Variants in CNTN4 observed in about 807,000 individuals in gnomAD.
CNTN4 encodes contactin 4.
Under a neutral mutation model 122.5 loss-of-function variants are expected in CNTN4, and 77 were observed. The observed-to-expected ratio is 0.63, with a 90% CI of 0.52 to 0.76. The LOEUF (loss-of-function observed/expected upper bound fraction) is 0.76, where lower values mean the gene tolerates loss of function less well. Ranked by LOEUF, CNTN4 falls within the 30% of genes least tolerant of loss-of-function variation. The pLI, the probability that CNTN4 is intolerant of heterozygous loss-of-function variation, is 0.00. For synonymous variants in CNTN4, 512 were observed against 447.0 expected (o/e 1.15, Z -1.83); for missense variants, 1,256 against 1,259.1 (o/e 1.00, Z 0.04).
intron 4 of CNTN4, among the ~76,000 whole-genome samples, chr3:2,699,944 G>A (rs767459): frequency 6.6e-6 from 1 of 152,124 alleles, no homozygotes. Context: ...AGTTGATGAA[G>A]GAGATGATGT....
At chr3:2,566,743 A>G (rs538983490) in intron 3 of CNTN4, among the ~76,000 whole-genome samples, 2 of 152,332 alleles carry the variant, frequency 1.3e-5, no homozygotes, top group African/African-American at 2.4e-5. Flanking sequence ...CCTACAAGCA[A>G]GCAAACATGT....
At chr3:2,970,847 GC>G (rs1336392198) in intron 13 of CNTN4, among the ~76,000 whole-genome samples, 1 of 152,054 alleles carries the variant, frequency 6.6e-6, no homozygotes, top group African/African-American at 2.4e-5. Flanking sequence ...GAGTGCAGTG[GC>G]GTGATCCCAG....
At chr3:2,523,356 TAAAA>T (rs67485307) in intron 3 of CNTN4, among the ~76,000 whole-genome samples, 4 of 119,994 alleles carry the variant, frequency 3.3e-5, no homozygotes, top group African/African-American at 9.3e-5. Flanking sequence ...CAAGAGACCT[TAAAA>T]AAAAAAAAAA....
rs573124261 is a variant in CNTN4 at position 2,362,724 on chromosome 3, C to T, written c.-89+23491C>T. ...CATTCACTTACTTGGGAGCTGACAG[C>T]TCCAGTGGCCTCCAGCTTTAACCTC... On this transcript the variant is annotated intron_variant, in intron 3 of 24. Coordinates refer to ENST00000418658, the MANE Select transcript of CNTN4 (RefSeq NM_175607.3). 1.5e-5 allele frequency: 5 copies of T among 334,732 alleles called. No homozygotes were observed. In the East Asian group the frequency reaches 3.9e-4, roughly 26 times the overall value. 20.7% of individuals were successfully genotyped at this position (334,732 alleles called of 1,614,324 possible).
chr3:3,040,151 T>C lies in CNTN4; in HGVS notation c.2278T>C (p.Tyr760His). The change falls in exon 20 of 25, where the codon TAC becomes CAC. Residue 760 changes from tyrosine to histidine, a missense_variant. By Grantham distance (83) the Tyr-to-His change is moderately conservative. Transcript: ENST00000418658. Reference sequence around the variant, plus strand: ...GCTGGCCTCAGCTGATGCCTCTAGATACGTGTTCAGGAATGAGAGCGTGCA... The same window carrying C: ...GCTGGCCTCAGCTGATGCCTCTAGACACGTGTTCAGGAATGAGAGCGTGCA... ...TVLASADASRYVFRNESVHPF... is the reference protein window; with the variant it reads ...TVLASADASRHVFRNESVHPF... 6.2e-7 allele frequency: 1 copy of C among 1,614,152 alleles called. No individual in the cohort carries two copies. The highest frequency in any genetic ancestry group is 1.6e-4 in the Middle Eastern group (1 of 6,062).
Position 2,345,766 on chromosome 3 carries a change from G to A in CNTN4, c.-89+6533G>A, listed in dbSNP as rs184077629. Among the ~76,000 whole-genome samples the A allele has an allele frequency of 7.9e-5, 12 of 152,236 alleles. No individual in the cohort carries two copies. The East Asian group carries it at 1.4e-3, about 17-fold the overall frequency. On this transcript the variant is annotated intron_variant, in intron 3 of 24. Coordinates refer to ENST00000418658, the MANE Select transcript of CNTN4 (RefSeq NM_175607.3). ...ATCGAGAAGCAGAGCTTATAGTTCC[G>A]CACCACAACTAATTTATTGTGTGAC...
At chr3:2,469,978 A>G (rs2075629584) in intron 3 of CNTN4, among the ~76,000 whole-genome samples, 1 of 152,210 alleles carries the variant, frequency 6.6e-6, no homozygotes, top group African/African-American at 2.4e-5. Context: ...GGTTTTTTAC[A>G]TTAATTTGCT....
intron 12 of CNTN4, among the ~76,000 whole-genome samples, chr3:2,907,017 T>C (rs1359859884): frequency 6.6e-6 from 1 of 152,116 alleles, no homozygotes; most frequent in East Asian, 1.9e-4. Context: ...CAGTTAAAGA[T>C]TGAGTGTGTA....
intron 4 of CNTN4, chr3:2,629,594 T>C (rs1300382157): frequency 6.7e-6 from 3 of 448,576 alleles, no homozygotes; most frequent in Non-Finnish European, 1.3e-5. Flanking sequence ...GTTGACTTTA[T>C]AAGAAAATAG....
At chr3:2,929,814 C>T (rs890722974) in intron 13 of CNTN4, among the ~76,000 whole-genome samples, 1 of 152,162 alleles carries the variant, frequency 6.6e-6, no homozygotes, top group Non-Finnish European at 1.5e-5. Context: ...CCATCTCAAA[C>T]CACATGGACT....
At chr3:2,477,428 A>G (rs2075864753) in intron 3 of CNTN4, among the ~76,000 whole-genome samples, 1 of 152,220 alleles carries the variant, frequency 6.6e-6, no homozygotes, top group Non-Finnish European at 1.5e-5. Context: ...TAAATGCTTT[A>G]TATACATTAT....
intron 2 of CNTN4, among the ~76,000 whole-genome samples, chr3:2,236,923 A>G (rs953764005): frequency 1.3e-5 from 2 of 152,206 alleles, no homozygotes; most frequent in Non-Finnish European, 2.9e-5. Context: ...AAGAAAGGGT[A>G]TGAAATGGGA....
chr3:2,601,149 G>A (rs2081026717), intron 4 of CNTN4, among the ~76,000 whole-genome samples: 1 of 152,102 alleles, frequency 6.6e-6, no homozygotes, highest in South Asian at 2.1e-4. Context: ...CATTCTGTAG[G>A]TTGCCTGTTC....
chr3:2,409,106 AC>A (rs1177354959), intron 3 of CNTN4, among the ~76,000 whole-genome samples: 4 of 152,144 alleles, frequency 2.6e-5, no homozygotes, highest in Non-Finnish European at 5.9e-5. Context: ...TTAAAGAGGA[AC>A]AAAATTATAG....
In CNTN4 at chr3:2,571,525, C is replaced by A; in HGVS notation, c.22C>A (p.Leu8Met). MRLPWEL[L>M]VLQSFILCLA... ...GAAGATGAGGTTGCCATGGGAACTGCTGGTACTGCAATCATTCATTTTGTG... is the reference window on the plus strand; with the variant it reads ...GAAGATGAGGTTGCCATGGGAACTGATGGTACTGCAATCATTCATTTTGTG... The change falls in exon 4 of 25, where the codon CTG becomes ATG. Residue 8 changes from leucine to methionine, a missense_variant. Leu to Met is a conservative substitution (Grantham distance 15, BLOSUM62 2). Transcript: ENST00000418658. 6.2e-7 allele frequency: 1 copy of A among 1,613,850 alleles called. No individual in the cohort carries two copies. Among genetic ancestry groups the A allele is most frequent in the Non-Finnish European group, 8.5e-7 (1 of 1,179,720 alleles).
At chr3:2,143,313 GT>G (rs2035092068) in intron 2 of CNTN4, among the ~76,000 whole-genome samples, 1 of 152,168 alleles carries the variant, frequency 6.6e-6, no homozygotes, top group Admixed American at 6.5e-5. Flanking sequence ...GGCTAATGAA[GT>G]TAAACCAAAG....
At chr3:2,287,638 A>AGAAGGAGAAGG (rs1559415182) in intron 2 of CNTN4, among the ~76,000 whole-genome samples, 5 of 60,846 alleles carry the variant, frequency 8.2e-5, no homozygotes, top group African/African-American at 2.8e-4. Flanking sequence ...GAAGGAGAAG[A>AGAAGGAGAAGG]AGAAGAAGAA....
chr3:2,192,574 TCAAA>T (rs1431321377), intron 2 of CNTN4, among the ~76,000 whole-genome samples: 4 of 151,834 alleles, frequency 2.6e-5, no homozygotes, highest in Admixed American at 2.0e-4. Flanking sequence ...TACAAAGAAC[TCAAA>T]CAAATTTACA....
intron 16 of CNTN4, among the ~76,000 whole-genome samples, chr3:3,032,667 C>T (rs1490543274): frequency 1.3e-5 from 2 of 152,158 alleles, no homozygotes; most frequent in Non-Finnish European, 2.9e-5. Flanking sequence ...TTTTCTGAGG[C>T]CTGTTCTATT....
Sources: gnomAD v4.1 joint callset for allele counts (sites outside exome capture counted in the v4.1 genomes callset) on GRCh38, gnomAD v4.1.1 for gene constraint, MANE v1.5 for transcripts, NCBI Gene and HGNC (gene_info 2026-07-23, HGNC 2026-07-21) for gene names.